Variants in PMS1 observed in about 807,000 individuals in gnomAD.
The protein encoded by PMS1 is PMS1 protein homolog 1.
Under a neutral mutation model 93.1 loss-of-function variants are expected in PMS1, and 79 were observed. The ratio of observed to expected loss-of-function variants is 0.85; its 90% CI spans 0.71 to 1.02. PMS1 has a LOEUF of 1.02. Ranked by LOEUF, PMS1 falls within the 50% of genes least tolerant of loss-of-function variation. The pLI is 0.00. For missense variants in PMS1, 1,064 were observed against 1,085.3 expected, an observed-to-expected ratio of 0.98 and a Z score of 0.28; for synonymous variants, 335 against 363.4, an observed-to-expected ratio of 0.92 and a Z score of 0.89.
At chr2:189,861,116 C>T (rs1189894800) in intron 9 of PMS1, among the ~76,000 whole-genome samples, 1 of 151,774 alleles carries the variant, frequency 6.6e-6, no homozygotes, top group Non-Finnish European at 1.5e-5. Flanking sequence ...TTTGTCCTAG[C>T]TCTATTTTGT....
At chr2:189,827,898 G>A (rs1206926901) in intron 5 of PMS1, among the ~76,000 whole-genome samples, 2 of 151,496 alleles carry the variant, frequency 1.3e-5, no homozygotes, top group African/African-American at 4.9e-5. Context: ...TAAAGTTATG[G>A]TTAGGAAAAA....
intron 5 of PMS1, among the ~76,000 whole-genome samples, chr2:189,831,666 G>A (rs2052946661): frequency 6.6e-6 from 1 of 152,154 alleles, no homozygotes; most frequent in Non-Finnish European, 1.5e-5. Flanking sequence ...CCTAAAAGAA[G>A]CTTATAGAAA....
intron 9 of PMS1, 94 bp from the exon 10 acceptor site, chr2:189,863,649 G>A: frequency 1.1e-6 from 1 of 917,650 alleles, no homozygotes. Context: ...ACTATATCTG[G>A]AACACCAGTA....
At position 189,873,477 on chromosome 2, in the gene PMS1, T is replaced by A. The variant is rs1488763067; in HGVS notation, c.2474-19T>A. ...TGGAATATGAACTTAACTATGTGTT[T>A]TTATTTTTTTTCTTTCAGGAGTTTC... On this transcript the variant is annotated intron_variant, in intron 11 of 12. Coordinates refer to ENST00000441310, the MANE Select transcript of PMS1 (RefSeq NM_000534.5). The A allele has an allele frequency of 1.9e-6, 3 of 1,544,302 alleles. No homozygotes were observed. The Admixed American group carries it at 5.0e-5, about 26-fold the overall frequency.
intron 4 of PMS1, among the ~76,000 whole-genome samples, chr2:189,809,094 C>T (rs374926817): frequency 6.6e-6 from 1 of 152,120 alleles, no homozygotes; most frequent in Non-Finnish European, 1.5e-5. Flanking sequence ...ACATCATGTT[C>T]TTTGTAAATT....
At chr2:189,814,949 A>G (rs367605145) in intron 4 of PMS1, among the ~76,000 whole-genome samples, 41 of 152,202 alleles carry the variant, frequency 2.7e-4, no homozygotes, top group African/African-American at 9.9e-4. Flanking sequence ...AATACAAAAA[A>G]TTAGCCAGGC....
At chr2:189,868,361 T>C (rs922767689) in intron 11 of PMS1, among the ~76,000 whole-genome samples, 3 of 152,218 alleles carry the variant, frequency 2.0e-5, no homozygotes, top group African/African-American at 7.2e-5. Flanking sequence ...AGTTGTACTA[T>C]ATGGAGAATG....
At chr2:189,834,222 T>C (rs1356536024) in intron 5 of PMS1, among the ~76,000 whole-genome samples, 3 of 152,210 alleles carry the variant, frequency 2.0e-5, no homozygotes, top group Non-Finnish European at 2.9e-5. Flanking sequence ...AGACTGGTTC[T>C]TCGGAAAGAC....
At chr2:189,849,884 T>TG (rs2054561091) in intron 6 of PMS1, among the ~76,000 whole-genome samples, 1 of 151,256 alleles carries the variant, frequency 6.6e-6, no homozygotes, top group Non-Finnish European at 1.5e-5. Flanking sequence ...TTTTTTTTTT[T>TG]TTGGAGAAGA....
intron 9 of PMS1, among the ~76,000 whole-genome samples, chr2:189,856,221 C>T (rs2055318507): frequency 6.6e-6 from 1 of 151,026 alleles, no homozygotes; most frequent in African/African-American, 2.4e-5. Context: ...CAAAAGTAGA[C>T]ATTTTGAAGT....
At chr2:189,856,427 C>T (rs1188685006) in intron 9 of PMS1, among the ~76,000 whole-genome samples, 1 of 151,936 alleles carries the variant, frequency 6.6e-6, no homozygotes, top group Admixed American at 6.6e-5. Flanking sequence ...ATTGTCATAA[C>T]TTTTTTAAAG....
chr2:189,790,314 A>G (rs966192501), intron 1 of PMS1, among the ~76,000 whole-genome samples: 4 of 152,312 alleles, frequency 2.6e-5, no homozygotes, highest in East Asian at 3.9e-4. Flanking sequence ...CCACTTCCCA[A>G]AGTTATATTA....
At position 189,854,843 on chromosome 2, in the gene PMS1, T is replaced by G. The variant is rs560096410; in HGVS notation, c.1571T>G (p.Leu524Ter). 6.2e-7 allele frequency: 1 copy of G among 1,611,342 alleles called. No homozygotes were observed. The highest frequency in any genetic ancestry group is 8.5e-7 in the Non-Finnish European group (1 of 1,177,702). ...PVKILVPEKS[L>*]PCKVSNNNYP... ...AAAATTTTAGTGCCTGAAAAAAGTT[T>G]ACCATGTAAAGTAAGTAATAATAAT... Residue 524 changes from leucine to a stop codon, truncating the protein, a stop_gained, in exon 9 of 13, where the codon TTA (leucine) becomes TGA (stop). Transcript: ENST00000441310. LOFTEE classifies it high-confidence loss of function.
rs750449314 is a variant in PMS1 at position 189,855,029 on chromosome 2, G to A, written c.1757G>A (p.Arg586His). 38 of 1,612,678 alleles carry A rather than the reference G, an allele frequency of 2.4e-5. No homozygotes were observed. Among genetic ancestry groups the A allele is most frequent in the South Asian group, 1.9e-4 (17 of 91,048 alleles). The change falls in exon 9 of 13, where the codon CGT becomes CAT. Residue 586 changes from arginine (R) to histidine (H), a missense_variant. Transcript: ENST00000441310. Reference sequence around the variant, plus strand: ...AGTGCTCTTTTTGTTCAAGATCATCGTCCTCAGTTTCTCATAGAAAATCCT... The same window carrying A: ...AGTGCTCTTTTTGTTCAAGATCATCATCCTCAGTTTCTCATAGAAAATCCT... Reference protein sequence around the residue: ...SASALFVQDHRPQFLIENPKT... With the variant: ...SASALFVQDHHPQFLIENPKT...
At chr2:189,841,368 C>G (rs532850223) in intron 5 of PMS1, among the ~76,000 whole-genome samples, 1 of 152,150 alleles carries the variant, frequency 6.6e-6, no homozygotes, top group African/African-American at 2.4e-5. Context: ...TCCTGTTAAA[C>G]TAAATGTTGA....
rs1477561788 is a variant in PMS1 at position 189,818,107 on chromosome 2, A to G, written c.509A>G (p.Lys170Arg). The G allele has an allele frequency of 5.0e-6, 8 of 1,608,982 alleles. No homozygotes were observed. Among genetic ancestry groups the G allele is most frequent in the Non-Finnish European group, 6.8e-6 (8 of 1,175,846 alleles). The change falls in exon 5 of 13, where the codon AAA (lysine) becomes AGA (arginine). Residue 170 changes from lysine (K) to arginine (R), a missense_variant. Lys to Arg is a conservative substitution (Grantham distance 26, BLOSUM62 2). Coordinates refer to ENST00000441310, the MANE Select transcript of PMS1 (RefSeq NM_000534.5). ...GCAAAAAAATGTAAAGATGAAATAAAAAAGATCCAAGATCTCCTCATGAGC... is the reference window on the plus strand; with the variant it reads ...GCAAAAAAATGTAAAGATGAAATAAGAAAGATCCAAGATCTCCTCATGAGC... The part of the protein sequence containing the change: ...STAKKCKDEI[K>R]KIQDLLMSFG...
intron 11 of PMS1, among the ~76,000 whole-genome samples, chr2:189,869,646 G>C (rs1285570173): frequency 6.6e-6 from 1 of 151,856 alleles, no homozygotes; most frequent in African/African-American, 2.4e-5. Context: ...GCGAAATACT[G>C]TCTCTACTAC....
intron 1 of PMS1, among the ~76,000 whole-genome samples, chr2:189,786,750 T>C (rs958446672): frequency 6.6e-6 from 1 of 152,050 alleles, no homozygotes; most frequent in African/African-American, 2.4e-5. Context: ...ACAAGAAATA[T>C]AGGAAGAAAG....
Position 189,853,981 on chromosome 2 carries a change from A to G in PMS1, c.865A>G (p.Thr289Ala), listed in dbSNP as rs766177870. Residue 289 changes from threonine (T) to alanine (A), a missense_variant, in exon 8 of 13, where the codon ACT becomes GCT. By Grantham distance (58) the Thr-to-Ala change is moderately conservative (BLOSUM62 0). Coordinates refer to ENST00000441310, the MANE Select transcript of PMS1 (RefSeq NM_000534.5). ...HYNLKCLKES[T>A]RLYPVFFLKI... is the part of the protein sequence containing the mutation. ...CAATCTGAAATGCCTAAAGGAATCT[A>G]CTCGTTTGTATCCTGTTTTCTTTCT... is the stretch of plus-strand genomic sequence containing the variant. 2 of 1,605,226 alleles carry G rather than the reference A, an allele frequency of 1.2e-6. No individual in the cohort carries two copies. The highest frequency in any genetic ancestry group is 1.7e-6 in the Non-Finnish European group (2 of 1,174,642).
Sources: allele counts gnomAD v4.1 joint callset (sites outside exome capture counted in the v4.1 genomes callset), GRCh38; gene constraint gnomAD v4.1.1; transcripts MANE v1.5; gene names NCBI Gene and HGNC (gene_info 2026-07-23, HGNC 2026-07-21).